The following GPR89B variants were observed in gnomAD, a reference collection of about 807,000 sequenced individuals.
GPR89B encodes G protein-coupled receptor 89B.
In GPR89B, 25 loss-of-function variants were observed where a neutral mutation model predicts 52.4. The observed-to-expected ratio is 0.48, with a 90% CI of 0.35 to 0.67. The LOEUF is 0.67. GPR89B is among the 30% of genes least tolerant of loss of function. The pLI, the probability that GPR89B is intolerant of heterozygous loss-of-function variation, is 0.01. For missense variants in GPR89B, 146 were observed against 450.2 expected (o/e 0.32, Z 6.11); for synonymous variants, 52 against 151.2 (o/e 0.34, Z 4.81).
intron 10 of GPR89B, among the ~76,000 whole-genome samples, chr1:147,975,705 GGTTT>G (rs1657785518): frequency 6.6e-6 from 1 of 152,000 alleles, no homozygotes; most frequent in Non-Finnish European, 1.5e-5. Flanking sequence ...CTAGCTTTGG[GGTTT>G]GTTTGCTCTT....
intron 5 of GPR89B, among the ~76,000 whole-genome samples, chr1:147,950,326 T>C (rs1571255275): frequency 6.8e-6 from 1 of 146,016 alleles, no homozygotes; most frequent in East Asian, 2.1e-4. Context: ...TCCCCACATC[T>C]TAGACGATGG....
chr1:148,009,330 A>C, the GPR89B span: 72 of 1,611,086 alleles, frequency 4.5e-5, no homozygotes, highest in African/African-American at 2.3e-4. Context: ...CCTGCTCCCC[A>C]AAAAATTCTC....
downstream of GPR89B, among the ~76,000 whole-genome samples, chr1:147,994,532 G>C (rs1347706892): frequency 6.6e-5 from 10 of 151,956 alleles, no homozygotes; most frequent in East Asian, 1.9e-3. Context: ...AAGTTTATCA[G>C]TATTGTAATG....
At chr1:147,933,861 C>T (rs1457756680) in intron 1 of GPR89B, among the ~76,000 whole-genome samples, 5 of 152,114 alleles carry the variant, frequency 3.3e-5, no homozygotes, top group African/African-American at 7.2e-5. Flanking sequence ...GCCACCATAC[C>T]GCTCTATATA....
At chr1:147,958,281 A>G (rs1656273993) in intron 7 of GPR89B, among the ~76,000 whole-genome samples, 1 of 152,060 alleles carries the variant, frequency 6.6e-6, no homozygotes. Flanking sequence ...AAAGTGAAAG[A>G]TTTATATAAA....
the GPR89B span, among the ~76,000 whole-genome samples, chr1:148,000,465 G>C: frequency 6.6e-6 from 1 of 152,008 alleles, no homozygotes; most frequent in Admixed American, 6.6e-5. Context: ...GGGGAGTATG[G>C]TATAATGAAT....
chr1:147,935,505 A>C (rs140429676), intron 1 of GPR89B, among the ~76,000 whole-genome samples: 3 of 152,216 alleles, frequency 2.0e-5, no homozygotes, highest in African/African-American at 7.2e-5. Flanking sequence ...GTCAGCTGTC[A>C]TGTGGCTACG....
At chr1:148,025,342 G>A in the GPR89B span, among the ~76,000 whole-genome samples, 37 of 151,600 alleles carry the variant, frequency 2.4e-4, 4 homozygotes, top group African/African-American at 9.0e-4. Flanking sequence ...CCAGGCAAAT[G>A]TCATAGGATT....
chr1:147,958,183 G>A (rs1389996504), intron 7 of GPR89B, among the ~76,000 whole-genome samples: 2 of 152,040 alleles, frequency 1.3e-5, no homozygotes, highest in African/African-American at 2.4e-5. Context: ...AGGTAGACAC[G>A]TGTATAATTT....
chr1:148,023,248 C>G, the GPR89B span, among the ~76,000 whole-genome samples: 1 of 145,294 alleles, frequency 6.9e-6, no homozygotes, highest in Non-Finnish European at 1.5e-5. Flanking sequence ...CTGTTCTATC[C>G]ATGTTATTGC....
chr1:148,023,379 T>C, the GPR89B span, among the ~76,000 whole-genome samples: 60 of 146,940 alleles, frequency 4.1e-4, 2 homozygotes, highest in East Asian at 8.2e-3. Context: ...TCTTTGCTAT[T>C]GTGAATAGCC....
At chr1:148,012,001 CAGT>C in the GPR89B span, 1 of 152,076 alleles carries the variant, frequency 6.6e-6, no homozygotes, top group Non-Finnish European at 1.5e-5. Context: ...ACCAGTCTAA[CAGT>C]AGTTTAAAAC....
intron 5 of GPR89B, among the ~76,000 whole-genome samples, chr1:147,951,629 TG>T (rs782811621): frequency 6.6e-6 from 1 of 151,774 alleles, no homozygotes; most frequent in East Asian, 1.9e-4. Flanking sequence ...AGGAGACAGA[TG>T]ATGGAACAAG....
intron 10 of GPR89B, among the ~76,000 whole-genome samples, chr1:147,978,026 G>A (rs1657967915): frequency 6.6e-6 from 1 of 151,302 alleles, no homozygotes. Context: ...GCCCAGTTCT[G>A]TGCCCTTGCT....
chr1:147,940,663 G>A lies in GPR89B; in HGVS notation c.206+1846G>A, dbSNP rs4950511. ...TCAGCTCTGCTGTTGTAGAGCGAAA[G>A]CAGTCATAGGCAATATATAAACAAA... On this transcript the variant is annotated intron_variant, in intron 3 of 13. Coordinates refer to ENST00000314163, the MANE Select transcript of GPR89B (RefSeq NM_016334.5). Among the ~76,000 whole-genome samples, 355 of 152,212 alleles carry A rather than the reference G, an allele frequency of 2.3e-3. 2 individuals are homozygous for A. The highest frequency in any genetic ancestry group is 4.4e-3 in the Non-Finnish European group (296 of 67,962).
chr1:147,938,252 T>G (rs587713103), intron 2 of GPR89B, among the ~76,000 whole-genome samples: 6 of 152,294 alleles, frequency 3.9e-5, no homozygotes, highest in African/African-American at 9.6e-5. Flanking sequence ...ATGTTCTCCA[T>G]TAAACTTTCC....
At chr1:147,994,341 G>T (rs1241371418), downstream of GPR89B, 57 of 1,524,544 alleles carry the variant, frequency 3.7e-5, no homozygotes, top group South Asian at 6.2e-4. Flanking sequence ...AGAATGTGAG[G>T]CTGTACTGTG....
the GPR89B span, chr1:148,010,584 C>T: frequency 6.6e-6 from 1 of 152,458 alleles, no homozygotes; most frequent in East Asian, 1.9e-4. Flanking sequence ...AACCTGGACA[C>T]ATCCCTAAAT....
chr1:147,945,744 T>G (rs1553249679), intron 5 of GPR89B, among the ~76,000 whole-genome samples: 1 of 151,584 alleles, frequency 6.6e-6, no homozygotes, highest in African/African-American at 2.4e-5. Context: ...TTTTTTCTTT[T>G]TGAGACAGGT....
Sources: gnomAD v4.1 joint callset for allele counts (sites outside exome capture counted in the v4.1 genomes callset) on GRCh38, gnomAD v4.1.1 for gene constraint, MANE v1.5 for transcripts, NCBI Gene and HGNC (gene_info 2026-07-23, HGNC 2026-07-21) for gene names.